Variants in ZCWPW2 observed in about 807,000 individuals in gnomAD.
ZCWPW2 encodes zinc finger CW-type and PWWP domain containing 2, also known as zinc finger CW-type PWWP domain protein 2.
A neutral mutation model predicts 46.6 loss-of-function variants in ZCWPW2; 45 were observed. The ratio of observed to expected loss-of-function variants is 0.96; its 90% CI spans 0.76 to 1.24. The LOEUF is 1.24. Among genes scored for constraint, ZCWPW2 ranks in the 50% most tolerant of loss-of-function variants. ZCWPW2 has a pLI of 0.00. For missense variants in ZCWPW2, 429 were observed against 403.9 expected (o/e 1.06, Z -0.53); for synonymous variants, 152 against 137.1 (o/e 1.11, Z -0.76).
At chr3:28,368,184 C>T (rs1705190673) in intron 1 of ZCWPW2, among the ~76,000 whole-genome samples, 1 of 152,120 alleles carries the variant, frequency 6.6e-6, no homozygotes, top group Non-Finnish European at 1.5e-5. Flanking sequence ...TTGATCCTGT[C>T]ATTATGATGA....
chr3:28,455,201 A>G (rs1575155614), intron 4 of ZCWPW2, among the ~76,000 whole-genome samples: 2 of 152,038 alleles, frequency 1.3e-5, no homozygotes, highest in South Asian at 2.1e-4. Flanking sequence ...ATGGTCCCTC[A>G]TTGTGGTTTT....
At chr3:28,406,237 A>AT (rs1696152938) in intron 2 of ZCWPW2, among the ~76,000 whole-genome samples, 2 of 152,202 alleles carry the variant, frequency 1.3e-5, no homozygotes, top group South Asian at 4.1e-4. Flanking sequence ...ATAGTAAAGA[A>AT]TGAGAAAGCA....
intron 1 of ZCWPW2, among the ~76,000 whole-genome samples, chr3:28,362,366 A>G (rs1704971945): frequency 6.6e-6 from 1 of 152,222 alleles, no homozygotes; most frequent in African/African-American, 2.4e-5. Context: ...AGAATCTACA[A>G]GGAACTTAAG....
intron 4 of ZCWPW2, among the ~76,000 whole-genome samples, chr3:28,441,127 C>T (rs1697739494): frequency 6.6e-6 from 1 of 152,154 alleles, no homozygotes; most frequent in African/African-American, 2.4e-5. Flanking sequence ...GGGAAAGAGG[C>T]TGAGTGGTGT....
At chr3:28,447,560 A>T (rs970095562) in intron 4 of ZCWPW2, among the ~76,000 whole-genome samples, 18 of 152,240 alleles carry the variant, frequency 1.2e-4, no homozygotes, top group Admixed American at 1.2e-3. Flanking sequence ...ATATTCAAAG[A>T]TGAAGGATTA....
At chr3:28,376,188 T>C (rs557455576) in intron 1 of ZCWPW2, among the ~76,000 whole-genome samples, 2 of 152,204 alleles carry the variant, frequency 1.3e-5, no homozygotes, top group East Asian at 3.9e-4. Flanking sequence ...CTTGATATTT[T>C]TAGTGAATCT....
intron 5 of ZCWPW2, among the ~76,000 whole-genome samples, chr3:28,487,346 T>A (rs1327011104): frequency 6.6e-6 from 1 of 152,162 alleles, no homozygotes; most frequent in African/African-American, 2.4e-5. Context: ...TTTATTGATA[T>A]ATCCTGAAGC....
chr3:28,390,989 G>A (rs1181421157), intron 2 of ZCWPW2, among the ~76,000 whole-genome samples: 1 of 152,144 alleles, frequency 6.6e-6, no homozygotes, highest in Non-Finnish European at 1.5e-5. Flanking sequence ...AGAGATGAGA[G>A]GTACCAGGCT....
intron 9 of ZCWPW2, among the ~76,000 whole-genome samples, chr3:28,522,490 G>A (rs2125840257): frequency 6.6e-6 from 1 of 152,156 alleles, no homozygotes; most frequent in South Asian, 2.1e-4. Context: ...ATGGACAAAG[G>A]GGTTTATACC....
chr3:28,457,880 TATAAG>T (rs1698481918), intron 4 of ZCWPW2, among the ~76,000 whole-genome samples: 1 of 152,206 alleles, frequency 6.6e-6, no homozygotes, highest in East Asian at 1.9e-4. Context: ...TTAAAATAGA[TATAAG>T]ATAAAATTTA....
intron 9 of ZCWPW2, 134 bp downstream of exon 9, chr3:28,521,250 G>T: frequency 3.2e-6 from 3 of 924,616 alleles, no homozygotes; most frequent in Non-Finnish European, 3.1e-6. Context: ...TGATTATCAT[G>T]AGGTAAATAA....
chr3:28,508,849 T>A lies in ZCWPW2; in HGVS notation c.658-5215T>A, dbSNP rs137985326. On this transcript the variant is annotated intron_variant, in intron 6 of 9. Coordinates refer to ENST00000383768, the MANE Select transcript of ZCWPW2 (RefSeq NM_001040432.4). The stretch of plus-strand genomic sequence containing the variant: ...GTCCCTTTCAACCTTTCCATGTCAT[T>A]CCGTTTTTTAAATTACAGATTTATT... Among the ~76,000 whole-genome samples, 780 of 152,274 alleles carry A rather than the reference T, an allele frequency of 5.1e-3. 7 individuals are homozygous for A. Among genetic ancestry groups the A allele is most frequent in the Non-Finnish European group, 6.1e-3 (418 of 68,008 alleles).
At chr3:28,404,432 TAA>T (rs67913386) in intron 2 of ZCWPW2, among the ~76,000 whole-genome samples, 34,211 of 152,028 alleles carry the variant, frequency 0.23, 4,399 homozygotes, top group Non-Finnish European at 0.29. Flanking sequence ...GGTGGGAATG[TAA>T]ACTAGTACAA....
chr3:28,374,916 GGTGTTAAAGTTCCTT>G (rs1705453185), intron 1 of ZCWPW2, among the ~76,000 whole-genome samples: 1 of 151,940 alleles, frequency 6.6e-6, no homozygotes, highest in South Asian at 2.1e-4. Flanking sequence ...CCAAGAGTGA[GGTGTTAAAGTTCCTT>G]ACTATTATTA....
At chr3:28,452,632 T>G (rs1398036595) in intron 4 of ZCWPW2, among the ~76,000 whole-genome samples, 1 of 152,206 alleles carries the variant, frequency 6.6e-6, no homozygotes, top group African/African-American at 2.4e-5. Flanking sequence ...AGCATCTGCC[T>G]TATAAAGTGG....
chr3:28,390,293 C>G (rs1695434500), intron 1 of ZCWPW2, among the ~76,000 whole-genome samples: 1 of 152,104 alleles, frequency 6.6e-6, no homozygotes, highest in African/African-American at 2.4e-5. Flanking sequence ...TCAAAATCAG[C>G]ATCTTAACAT....
At chr3:28,446,117 C>G (rs1697981351) in intron 4 of ZCWPW2, among the ~76,000 whole-genome samples, 1 of 151,948 alleles carries the variant, frequency 6.6e-6, no homozygotes, top group Non-Finnish European at 1.5e-5. Context: ...GGATAGACCA[C>G]CAGGCAGAAG....
At chr3:28,472,425 T>C (rs1169101413) in intron 4 of ZCWPW2, among the ~76,000 whole-genome samples, 1 of 152,100 alleles carries the variant, frequency 6.6e-6, no homozygotes, top group African/African-American at 2.4e-5. Flanking sequence ...AATCCATACA[T>C]CTACAATGAG....
intron 2 of ZCWPW2, among the ~76,000 whole-genome samples, chr3:28,412,802 C>G (rs1696455831): frequency 6.6e-6 from 1 of 151,938 alleles, no homozygotes; most frequent in Non-Finnish European, 1.5e-5. Context: ...CCTCTACTCC[C>G]CTTTGGCTCC....
Sources: gnomAD v4.1 joint callset for allele counts (sites outside exome capture counted in the v4.1 genomes callset) on GRCh38, gnomAD v4.1.1 for gene constraint, MANE v1.5 for transcripts, NCBI Gene and HGNC (gene_info 2026-07-23, HGNC 2026-07-21) for gene names.